DACH1: variants seen among roughly 807,000 people sequenced by gnomAD.
The protein encoded by DACH1 is dachshund homolog 1.
A neutral mutation model predicts 54.2 loss-of-function variants in DACH1; 12 were observed. The observed-to-expected ratio is 0.22, with a 90% CI of 0.14 to 0.36. DACH1 has a LOEUF of 0.36. Ranked by LOEUF, DACH1 falls within the 10% of genes least tolerant of loss-of-function variation. The probability of loss-of-function intolerance (pLI) is 1.00; values close to 1 mark genes in which losing one functional copy is unlikely to be tolerated. For missense variants in DACH1, 805 were observed against 929.8 expected, an observed-to-expected ratio of 0.87 and a Z score of 1.75; for synonymous variants, 386 against 366.2, an observed-to-expected ratio of 1.05 and a Z score of -0.62.
At chr13:71,706,676 T>C (rs762005488) in intron 1 of DACH1, among the ~76,000 whole-genome samples, 14 of 152,202 alleles carry the variant, frequency 9.2e-5, no homozygotes, top group African/African-American at 1.4e-4. Flanking sequence ...GTAATTTTTT[T>C]CACTACACAA....
intron 1 of DACH1, among the ~76,000 whole-genome samples, chr13:71,782,682 G>A (rs1401745342): frequency 6.6e-6 from 1 of 151,944 alleles, no homozygotes; most frequent in Non-Finnish European, 1.5e-5. Context: ...TTTTCCCATA[G>A]TGCGTACTCT....
Position 71,855,884 on chromosome 13 carries a change from G to T in DACH1, c.848+10038C>A, listed in dbSNP as rs187987312. Among the ~76,000 whole-genome samples, 12 of 149,042 alleles carry T rather than the reference G, an allele frequency of 8.1e-5. No homozygotes were observed. The East Asian group carries it at 3.4e-3, about 43-fold the overall frequency. On this transcript the variant is annotated intron_variant, in intron 1 of 10. Coordinates refer to ENST00000613252, the MANE Select transcript of DACH1 (RefSeq NM_080759.6). ...ACTTGGACTGACTCATTAGTAAAGA[G>T]AAATTGATTAAAAAGTACAAAATAG...
At chr13:71,785,877 C>T (rs936843813) in intron 1 of DACH1, among the ~76,000 whole-genome samples, 1 of 152,182 alleles carries the variant, frequency 6.6e-6, no homozygotes, top group African/African-American at 2.4e-5. Context: ...GTCTACTCAA[C>T]TATGCATCAC....
At chr13:71,666,420 T>C (rs1879837003) in intron 2 of DACH1, among the ~76,000 whole-genome samples, 1 of 152,188 alleles carries the variant, frequency 6.6e-6, no homozygotes, top group African/African-American at 2.4e-5. Flanking sequence ...CCATGGCTAT[T>C]CTAACCCATA....
intron 1 of DACH1, among the ~76,000 whole-genome samples, chr13:71,753,858 C>T (rs911699179): frequency 1.3e-5 from 2 of 152,138 alleles, no homozygotes; most frequent in Non-Finnish European, 2.9e-5. Context: ...ATATTAGTTG[C>T]CATGTGTACA....
At chr13:71,779,197 G>A (rs9564843) in intron 1 of DACH1, among the ~76,000 whole-genome samples, 24 of 111,878 alleles carry the variant, frequency 2.1e-4, no homozygotes, top group Non-Finnish European at 3.0e-4. Flanking sequence ...ACGTATATAC[G>A]TATATATGTG....
chr13:71,596,201 A>G (rs1291308358), intron 3 of DACH1, among the ~76,000 whole-genome samples: 1 of 152,116 alleles, frequency 6.6e-6, no homozygotes, highest in East Asian at 1.9e-4. Flanking sequence ...CACTGGAAAT[A>G]GTGTATCTTG....
chr13:71,449,574 T>C (rs894268590), intron 10 of DACH1, among the ~76,000 whole-genome samples: 1 of 150,770 alleles, frequency 6.6e-6, no homozygotes, highest in Admixed American at 6.6e-5. Flanking sequence ...ACCTAATGCA[T>C]GCAGGGCTTA....
intron 1 of DACH1, among the ~76,000 whole-genome samples, chr13:71,812,210 A>C (rs780605369): frequency 6.6e-6 from 1 of 152,202 alleles, no homozygotes; most frequent in Non-Finnish European, 1.5e-5. Flanking sequence ...TAATAAAAAA[A>C]GTTTCCACTC....
At chr13:71,738,578 A>T (rs1884240580) in intron 1 of DACH1, among the ~76,000 whole-genome samples, 1 of 151,432 alleles carries the variant, frequency 6.6e-6, no homozygotes, top group Non-Finnish European at 1.5e-5. Flanking sequence ...ACTGAAAATA[A>T]CAAATTGGCC....
chr13:71,853,885 G>A (rs1156684058), intron 1 of DACH1, among the ~76,000 whole-genome samples: 1 of 152,048 alleles, frequency 6.6e-6, no homozygotes, highest in East Asian at 1.9e-4. Flanking sequence ...CCTTTTTGAA[G>A]TTATTATCGG....
chr13:71,505,239 C>G (rs375464905), intron 6 of DACH1, among the ~76,000 whole-genome samples: 1 of 152,038 alleles, frequency 6.6e-6, no homozygotes, highest in Non-Finnish European at 1.5e-5. Context: ...TGTGCCACCA[C>G]GCCCGGCTAC....
At chr13:71,661,165 A>G (rs1045302775) in intron 2 of DACH1, among the ~76,000 whole-genome samples, 2 of 151,376 alleles carry the variant, frequency 1.3e-5, no homozygotes. Context: ...ACAGACACAT[A>G]CATATATATA....
intron 1 of DACH1, among the ~76,000 whole-genome samples, chr13:71,717,825 T>G (rs1296960133): frequency 6.6e-6 from 1 of 152,014 alleles, no homozygotes; most frequent in Non-Finnish European, 1.5e-5. Flanking sequence ...GATCTTTAGA[T>G]CTAACATCTC....
intron 1 of DACH1, among the ~76,000 whole-genome samples, chr13:71,734,930 CAT>C (rs1219354464): frequency 4.1e-5 from 6 of 146,962 alleles, no homozygotes; most frequent in Non-Finnish European, 7.5e-5. Context: ...TGTATATATA[CAT>C]ATATATAAAC....
intron 2 of DACH1, among the ~76,000 whole-genome samples, chr13:71,665,384 C>A (rs1233600944): frequency 6.6e-6 from 1 of 151,642 alleles, no homozygotes; most frequent in Non-Finnish European, 1.5e-5. Flanking sequence ...CCCCATATAC[C>A]CTACCTCCAA....
intron 1 of DACH1, among the ~76,000 whole-genome samples, chr13:71,754,955 C>T (rs144792703): frequency 2.6e-5 from 4 of 152,158 alleles, no homozygotes; most frequent in East Asian, 3.9e-4. Flanking sequence ...GCAAAAAGAC[C>T]GGGGCCGGGG....
At chr13:71,854,173 T>G (rs992453943) in intron 1 of DACH1, among the ~76,000 whole-genome samples, 3 of 152,174 alleles carry the variant, frequency 2.0e-5, no homozygotes, top group African/African-American at 7.2e-5. Flanking sequence ...TGTATTATAT[T>G]TCACAATTTT....
chr13:71,695,380 A>G (rs1881770640), intron 1 of DACH1, among the ~76,000 whole-genome samples: 1 of 152,330 alleles, frequency 6.6e-6, no homozygotes, highest in East Asian at 1.9e-4. Flanking sequence ...CCCTCTCTCC[A>G]AAAGTCGTCT....
Sources: allele counts gnomAD v4.1 joint callset (sites outside exome capture counted in the v4.1 genomes callset), GRCh38; gene constraint gnomAD v4.1.1; transcripts MANE v1.5; gene names NCBI Gene and HGNC (gene_info 2026-07-23, HGNC 2026-07-21).